The following ARMC2 variants were observed in gnomAD, a reference collection of about 807,000 sequenced individuals.
ARMC2 encodes the protein armadillo repeat-containing protein 2.
Under a neutral mutation model 90.3 loss-of-function variants are expected in ARMC2, and 67 were observed. The ratio of observed to expected loss-of-function variants is 0.74; its 90% CI spans 0.61 to 0.91. ARMC2 has a LOEUF of 0.91. ARMC2 is among the 40% of genes least tolerant of loss of function. The pLI is 0.00. For missense variants in ARMC2, 920 were observed against 1,030.9 expected, an observed-to-expected ratio of 0.89 and a Z score of 1.47; for synonymous variants, 393 against 393.0, an observed-to-expected ratio of 1.00 and a Z score of 0.00.
rs776857791 is a variant in ARMC2, at chr6:108,928,140, T to C, written c.1403T>C (p.Phe468Ser). The C allele has an allele frequency of 6.2e-7, 1 of 1,613,470 alleles. No homozygotes were observed. Among genetic ancestry groups the C allele is most frequent in the South Asian group, 1.1e-5 (1 of 90,988 alleles). The change falls in exon 11 of 18, where the codon TTC (phenylalanine) becomes TCC (serine). Residue 468 changes from phenylalanine to serine, a missense_variant. Coordinates refer to ENST00000392644, the MANE Select transcript of ARMC2 (RefSeq NM_032131.6). ...GATTCATCATTAGTAAGAAGTAAGT[T>C]CCTAAACATCAGTGCCCTTCCCCAG... ...LVDSSLVRSK[F>S]LNISALPQLC... is the part of the protein sequence containing the mutation.
chr6:108,890,885 C>G (rs1486873581), intron 5 of ARMC2, among the ~76,000 whole-genome samples: 1 of 152,120 alleles, frequency 6.6e-6, no homozygotes, highest in African/African-American at 2.4e-5. Flanking sequence ...AGGTATTTCT[C>G]CTAATGCTAT....
chr6:109,032,328 A>G, the ARMC2 span, among the ~76,000 whole-genome samples: 1 of 151,698 alleles, frequency 6.6e-6, no homozygotes, highest in African/African-American at 2.4e-5. Context: ...CCTGTACATG[A>G]AAAGGTAAGG....
At chr6:109,000,777 T>C in the ARMC2 span, 16 of 977,968 alleles carry the variant, frequency 1.6e-5, no homozygotes, top group South Asian at 6.2e-4. Flanking sequence ...ATTAGTATGT[T>C]TTCAAATTTT....
At chr6:108,871,695 C>G (rs79146174) in intron 4 of ARMC2, among the ~76,000 whole-genome samples, 2,050 of 152,230 alleles carry the variant, frequency 0.013, 50 homozygotes, top group African/African-American at 0.047. Context: ...CCCACCATCC[C>G]CCTCCTCAGT....
chr6:108,958,480 A>G (rs781571519), intron 13 of ARMC2, among the ~76,000 whole-genome samples: 9 of 152,226 alleles, frequency 5.9e-5, no homozygotes, highest in Non-Finnish European at 1.2e-4. Context: ...AGTTCCAGAT[A>G]CCAGACACCA....
rs957985283 is a variant in ARMC2, at chr6:108,869,498, C to T, written c.463+503C>T. Among the ~76,000 whole-genome samples the T allele has an allele frequency of 1.2e-4, 19 of 152,030 alleles. 1 individual carries two copies. Among genetic ancestry groups the T allele is most frequent in the South Asian group, 2.1e-4 (1 of 4,816 alleles). ...ACCCCAGCGTGGGTGACGAGCAAGA[C>T]TGTCTCAACAAAAAAGAAAAAAAAG... is the stretch of plus-strand genomic sequence containing the variant. On this transcript the variant is annotated intron_variant, in intron 4 of 17. Transcript: ENST00000392644.
At chr6:109,035,974 G>T in the ARMC2 span, among the ~76,000 whole-genome samples, 1 of 152,096 alleles carries the variant, frequency 6.6e-6, no homozygotes, top group African/African-American at 2.4e-5. Context: ...CATAGTAATT[G>T]CCCTCCTTAT....
Position 108,954,763 on chromosome 6 carries a change from C to G in ARMC2, c.1915+1412C>G, listed in dbSNP as rs138529094. Among the ~76,000 whole-genome samples, 700 of 152,366 alleles carry G rather than the reference C, an allele frequency of 4.6e-3. 4 individuals carry two copies. The highest frequency in any genetic ancestry group is 0.016 in the African/African-American group (657 of 41,580). The stretch of plus-strand genomic sequence containing the variant: ...CCTCCCTCGCCCCCACTAGTCAACT[C>G]AAGAGCCATTTCCTAAGCTCTTTCT... On this transcript the variant is annotated intron_variant, in intron 13 of 17. Transcript: ENST00000392644.
chr6:108,900,508 G>A (rs745911094), intron 7 of ARMC2, among the ~76,000 whole-genome samples: 5 of 152,214 alleles, frequency 3.3e-5, no homozygotes, highest in Non-Finnish European at 7.3e-5. Context: ...ACAGTGCACA[G>A]TAAGCCTTTG....
the ARMC2 span, chr6:109,000,473 T>C: frequency 6.7e-7 from 1 of 1,491,986 alleles, no homozygotes. Context: ...TCCCAAGATA[T>C]ATTACCCCAC....
the ARMC2 span, chr6:108,992,889 T>A: frequency 2.5e-6 from 4 of 1,602,526 alleles, no homozygotes; most frequent in Admixed American, 5.1e-5. Context: ...CTGGTGTAAC[T>A]TCTTCATCAT....
At chr6:109,000,819 A>T in the ARMC2 span, 21 of 574,818 alleles carry the variant, frequency 3.7e-5, no homozygotes, top group Non-Finnish European at 5.0e-5. Context: ...TTTTTATATA[A>T]ACATTTTAAA....
chr6:108,948,074 T>C (rs947244726), intron 12 of ARMC2, among the ~76,000 whole-genome samples: 2 of 152,188 alleles, frequency 1.3e-5, no homozygotes, highest in African/African-American at 4.8e-5. Context: ...AAATAGATGA[T>C]TTTGGCCTTG....
the ARMC2 span, among the ~76,000 whole-genome samples, chr6:109,025,644 C>A: frequency 1.3e-5 from 2 of 150,846 alleles, no homozygotes; most frequent in African/African-American, 4.9e-5. Flanking sequence ...CAAAAAATAA[C>A]TAGACAGATT....
chr6:108,990,450 G>T, the ARMC2 span, among the ~76,000 whole-genome samples: 13 of 152,200 alleles, frequency 8.5e-5, no homozygotes, highest in Non-Finnish European at 1.3e-4. Flanking sequence ...TCTCCCTCCT[G>T]CCTAGCTAGG....
At chr6:109,023,395 C>T in the ARMC2 span, among the ~76,000 whole-genome samples, 2 of 152,302 alleles carry the variant, frequency 1.3e-5, no homozygotes, top group East Asian at 3.9e-4. Context: ...AATCTTCTAC[C>T]ACTTGACAGT....
chr6:108,966,201 A>G (rs900498818), intron 17 of ARMC2, among the ~76,000 whole-genome samples: 1 of 150,424 alleles, frequency 6.6e-6, no homozygotes, highest in African/African-American at 2.5e-5. Context: ...ACTTCTCTGC[A>G]ACCTGAGAAA....
chr6:108,929,967 C>G (rs991638855), intron 11 of ARMC2, among the ~76,000 whole-genome samples: 3 of 151,792 alleles, frequency 2.0e-5, no homozygotes, highest in Admixed American at 2.0e-4. Context: ...CCCCCAACCC[C>G]TGCCAAAAAA....
the ARMC2 span, among the ~76,000 whole-genome samples, chr6:109,027,707 T>C: frequency 6.6e-6 from 1 of 152,120 alleles, no homozygotes; most frequent in African/African-American, 2.4e-5. Flanking sequence ...CTCCTAACTA[T>C]CCTGCAATGC....
Sources: allele counts gnomAD v4.1 joint callset (sites outside exome capture counted in the v4.1 genomes callset), GRCh38; gene constraint gnomAD v4.1.1; transcripts MANE v1.5; gene names NCBI Gene and HGNC (gene_info 2026-07-23, HGNC 2026-07-21).